NLGN1: variants seen among roughly 807,000 people sequenced by gnomAD.
NLGN1 encodes neuroligin-1.
A neutral mutation model predicts 65.5 loss-of-function variants in NLGN1; 12 were observed. That is an observed-to-expected ratio of 0.18 (90% confidence interval 0.12 to 0.30). NLGN1 has a LOEUF of 0.30. NLGN1 is among the 10% of genes least tolerant of loss of function. The probability of loss-of-function intolerance (pLI) is 1.00; values close to 1 mark genes in which losing one functional copy is unlikely to be tolerated. For synonymous variants in NLGN1, 350 were observed against 359.5 expected, an observed-to-expected ratio of 0.97 and a Z score of 0.30; for missense variants, 750 against 1,007.1, an observed-to-expected ratio of 0.74 and a Z score of 3.46.
intron 2 of NLGN1, among the ~76,000 whole-genome samples, chr3:173,583,845 G>C (rs1479885272): frequency 6.6e-6 from 1 of 152,026 alleles, no homozygotes; most frequent in Non-Finnish European, 1.5e-5. Flanking sequence ...AACACTAAAA[G>C]TCCCAAATGA....
chr3:174,056,368 AT>A (rs907899616), intron 4 of NLGN1, among the ~76,000 whole-genome samples: 2 of 151,942 alleles, frequency 1.3e-5, no homozygotes, highest in African/African-American at 4.8e-5. Flanking sequence ...TTTAAATAAT[AT>A]TTTTTCTACT....
At chr3:173,827,629 A>ATGTGTGTGTGTGTGTGTGTGTGTG (rs59670610) in intron 4 of NLGN1, among the ~76,000 whole-genome samples, 1 of 146,886 alleles carries the variant, frequency 6.8e-6, no homozygotes, top group African/African-American at 2.5e-5. Flanking sequence ...TATTTATGAT[A>ATGTGTGTGTGTGTGTGTGTGTGTG]TGTGTGTGTG....
At chr3:174,001,696 C>T (rs903759599) in intron 4 of NLGN1, among the ~76,000 whole-genome samples, 2 of 151,954 alleles carry the variant, frequency 1.3e-5, no homozygotes, top group African/African-American at 4.8e-5. Flanking sequence ...ACAGATAATC[C>T]ATGTACAACA....
chr3:174,282,533 C>T (rs1050649708), exon 7 of NLGN1: 3 of 152,144 alleles, frequency 2.0e-5, no homozygotes, highest in Non-Finnish European at 2.9e-5. Flanking sequence ...TAGAGTACAA[C>T]GTAGATACAG....
intron 4 of NLGN1, among the ~76,000 whole-genome samples, chr3:173,896,958 T>TA (rs1346843483): frequency 2.6e-5 from 4 of 152,182 alleles, no homozygotes; most frequent in African/African-American, 9.7e-5. Flanking sequence ...TTACCACACT[T>TA]ACTACTAAAC....
intron 3 of NLGN1, among the ~76,000 whole-genome samples, chr3:173,706,836 C>T (rs557926613): frequency 3.7e-4 from 56 of 152,338 alleles, no homozygotes; most frequent in Admixed American, 1.0e-3. Context: ...CGTGCACGCA[C>T]GCACACACAC....
chr3:174,020,070 C>A (rs984258237), intron 4 of NLGN1, among the ~76,000 whole-genome samples: 8 of 152,102 alleles, frequency 5.3e-5, no homozygotes, highest in African/African-American at 1.9e-4. Context: ...TTAATGCACA[C>A]TTCTTTTGAA....
chr3:173,609,771 CA>C (rs1207262047), intron 3 of NLGN1, among the ~76,000 whole-genome samples: 1 of 151,688 alleles, frequency 6.6e-6, no homozygotes, highest in African/African-American at 2.4e-5. Context: ...AAATGATGAA[CA>C]CAATAAAAAC....
At chr3:173,729,409 T>G (rs1772407305) in intron 3 of NLGN1, among the ~76,000 whole-genome samples, 1 of 152,102 alleles carries the variant, frequency 6.6e-6, no homozygotes, top group Non-Finnish European at 1.5e-5. Flanking sequence ...AACTTCATTT[T>G]GTTTCCATCT....
At chr3:173,866,148 G>T (rs1730116148) in intron 4 of NLGN1, among the ~76,000 whole-genome samples, 1 of 152,178 alleles carries the variant, frequency 6.6e-6, no homozygotes, top group African/African-American at 2.4e-5. Context: ...GTGGTTGAAA[G>T]AATGTATTTG....
At chr3:173,510,472 G>A (rs192392808) in intron 2 of NLGN1, among the ~76,000 whole-genome samples, 2 of 152,236 alleles carry the variant, frequency 1.3e-5, no homozygotes, top group Admixed American at 1.3e-4. Context: ...TGCAGTGAAA[G>A]GTTCAGGTAG....
chr3:174,111,457 A>T (rs1440955987), intron 4 of NLGN1, among the ~76,000 whole-genome samples: 4 of 151,954 alleles, frequency 2.6e-5, no homozygotes, highest in Non-Finnish European at 4.4e-5. Flanking sequence ...ACAAGCTTTT[A>T]AACCCACTGT....
chr3:173,569,206 A>C (rs1744225920), intron 2 of NLGN1, among the ~76,000 whole-genome samples: 1 of 152,158 alleles, frequency 6.6e-6, no homozygotes, highest in Non-Finnish European at 1.5e-5. Flanking sequence ...AAATTATTAT[A>C]TTTAGTTTTT....
At chr3:174,249,719 C>T (rs1744439279) in intron 4 of NLGN1, among the ~76,000 whole-genome samples, 1 of 152,110 alleles carries the variant, frequency 6.6e-6, no homozygotes. Flanking sequence ...AAGTCATTAG[C>T]CTGGAAATAC....
intron 2 of NLGN1, among the ~76,000 whole-genome samples, chr3:173,438,817 T>G (rs1290286126): frequency 1.3e-5 from 2 of 152,106 alleles, no homozygotes; most frequent in Non-Finnish European, 2.9e-5. Context: ...TTTTTCTTCC[T>G]TGAATGTAAG....
chr3:173,575,449 A>G (rs1745360699), intron 2 of NLGN1, among the ~76,000 whole-genome samples: 1 of 152,200 alleles, frequency 6.6e-6, no homozygotes, highest in Non-Finnish European at 1.5e-5. Flanking sequence ...TTTGGACCTG[A>G]AATCTTAAAA....
chr3:173,452,786 G>C (rs145390354), intron 2 of NLGN1, among the ~76,000 whole-genome samples: 1 of 152,178 alleles, frequency 6.6e-6, no homozygotes, highest in South Asian at 2.1e-4. Context: ...GAAATACTGT[G>C]TGTTCGGTTC....
intron 4 of NLGN1, among the ~76,000 whole-genome samples, chr3:174,029,578 G>C (rs1212254344): frequency 6.6e-6 from 1 of 152,116 alleles, no homozygotes. Context: ...GGACCTTGGG[G>C]GACTGTTGGG....
chr3:174,090,163 GA>G (rs1178424655), intron 4 of NLGN1, among the ~76,000 whole-genome samples: 2 of 151,956 alleles, frequency 1.3e-5, no homozygotes, highest in African/African-American at 2.4e-5. Flanking sequence ...ATTTTAAATA[GA>G]AAAAAGAAAG....
Sources: allele counts gnomAD v4.1 joint callset (sites outside exome capture counted in the v4.1 genomes callset), GRCh38; gene constraint gnomAD v4.1.1; transcripts MANE v1.5; gene names NCBI Gene and HGNC (gene_info 2026-07-23, HGNC 2026-07-21).